PAX3: variants seen among roughly 807,000 people sequenced by gnomAD.
PAX3 encodes the protein paired box 3, also known as paired box protein Pax-3.
Under a neutral mutation model 51.6 loss-of-function variants are expected in PAX3, and 14 were observed. That is an observed-to-expected ratio of 0.27 (90% CI 0.18 to 0.42). PAX3 has a LOEUF of 0.42. Ranked by LOEUF, PAX3 falls within the 10% of genes least tolerant of loss-of-function variation. The probability of loss-of-function intolerance (pLI) is 1.00; values close to 1 mark genes in which losing one functional copy is unlikely to be tolerated. For synonymous variants in PAX3, 280 were observed against 253.4 expected (o/e 1.11, Z -1.00); for missense variants, 540 against 642.8 (o/e 0.84, Z 1.73).
chr2:222,221,465 C>T lies in PAX3; in HGVS notation c.793-78G>A. 3 of 1,329,884 alleles carry T rather than the reference C, an allele frequency of 2.3e-6. No homozygotes were observed. In the Admixed American group the frequency reaches 5.0e-5, roughly 22 times the overall value. The allele number at this position is 1,329,884 out of a possible 1,614,324, so 82.4% of individuals were successfully genotyped here. A position where few individuals can be genotyped will look rare whatever the true frequency, so the allele number is the denominator to read the frequency against. On this transcript the variant is annotated intron_variant, in intron 5 of 8. Coordinates refer to ENST00000392070, the MANE Select transcript of PAX3 (RefSeq NM_181458.4). Reference sequence around the variant, plus strand: ...TCTTAATGAATTTTTTATGCTAAAACAGATTAGAGGCTTCTTACTGAAAGG... The same window carrying T: ...TCTTAATGAATTTTTTATGCTAAAATAGATTAGAGGCTTCTTACTGAAAGG...
At position 222,199,991 on chromosome 2, in the gene PAX3, C is replaced by A. The variant is rs1401131105; in HGVS notation, c.*1417G>T. The stretch of plus-strand genomic sequence containing the variant: ...ATTGTTGTTGGTTGAGGCTGCAACA[C>A]AAAGATAGTACTTCTCTTGTTCCAT... On this transcript the variant is annotated 3_prime_UTR_variant, in exon 9 of 9. Coordinates refer to ENST00000392070, the MANE Select transcript of PAX3 (RefSeq NM_181458.4). The A allele has an allele frequency of 5.0e-6, 1 of 198,484 alleles. No homozygotes were observed. The highest frequency in any genetic ancestry group is 2.3e-5 in the African/African-American group (1 of 43,344). 12.3% of individuals were successfully genotyped at this position (198,484 alleles called of 1,614,324 possible).
At chr2:222,213,910 T>C (rs1396698326) in intron 7 of PAX3, among the ~76,000 whole-genome samples, 1 of 152,218 alleles carries the variant, frequency 6.6e-6, no homozygotes, top group Non-Finnish European at 1.5e-5. Context: ...AGAAGCTGGC[T>C]GTACCGCCAG....
intron 5 of PAX3, among the ~76,000 whole-genome samples, chr2:222,230,749 G>A (rs1692559621): frequency 6.6e-6 from 1 of 151,460 alleles, no homozygotes; most frequent in East Asian, 1.9e-4. Context: ...CAGCTACTTG[G>A]GAGACTGAGT....
intron 4 of PAX3, among the ~76,000 whole-genome samples, chr2:222,291,344 T>G (rs180718753): frequency 6.6e-6 from 1 of 152,128 alleles, no homozygotes; most frequent in Non-Finnish European, 1.5e-5. Flanking sequence ...TCCTGGGCTA[T>G]GGAGCTGGAG....
chr2:222,294,952 A>C (rs1360024078), intron 3 of PAX3, among the ~76,000 whole-genome samples: 1 of 151,888 alleles, frequency 6.6e-6, no homozygotes, highest in African/African-American at 2.4e-5. Context: ...GCTCTGAAAT[A>C]TGTTTCTCAC....
intron 3 of PAX3, among the ~76,000 whole-genome samples, chr2:222,295,089 G>C (rs1695223242): frequency 2.0e-5 from 3 of 151,778 alleles, no homozygotes; most frequent in Admixed American, 2.0e-4. Context: ...GCTCCGGACC[G>C]TCCCTGAGAC....
At chr2:222,274,058 T>C (rs899182410) in intron 4 of PAX3, among the ~76,000 whole-genome samples, 1 of 152,152 alleles carries the variant, frequency 6.6e-6, no homozygotes, top group African/African-American at 2.4e-5. Flanking sequence ...ACTTGTGAAA[T>C]AAAATATACA....
chr2:222,285,893 G>A (rs1694815838), intron 4 of PAX3, among the ~76,000 whole-genome samples: 1 of 152,064 alleles, frequency 6.6e-6, no homozygotes, highest in African/African-American at 2.4e-5. Context: ...TTCTATGTTG[G>A]TCAACCAAGA....
intron 4 of PAX3, among the ~76,000 whole-genome samples, chr2:222,285,578 G>A (rs1042724638): frequency 3.3e-5 from 5 of 152,216 alleles, no homozygotes; most frequent in African/African-American, 4.8e-5. Flanking sequence ...AAATGCAAAT[G>A]TGTATGTGAC....
intron 4 of PAX3, among the ~76,000 whole-genome samples, chr2:222,287,026 T>C (rs989562676): frequency 6.6e-6 from 1 of 152,218 alleles, no homozygotes; most frequent in Non-Finnish European, 1.5e-5. Context: ...TGGAGCATGA[T>C]CTCAGCTTAG....
At chr2:222,217,200 AT>A (rs932232132) in intron 7 of PAX3, among the ~76,000 whole-genome samples, 24 of 152,008 alleles carry the variant, frequency 1.6e-4, no homozygotes, top group African/African-American at 5.6e-4. Flanking sequence ...TTTTAAGCAA[AT>A]TTTTTTTATT....
intron 4 of PAX3, among the ~76,000 whole-genome samples, chr2:222,273,508 C>A (rs747821261): frequency 6.6e-6 from 1 of 152,120 alleles, no homozygotes. Flanking sequence ...TTGGAAGGAC[C>A]CTTTCCTCCT....
chr2:222,298,155 G>A lies in PAX3; in HGVS notation c.85+376C>T, dbSNP rs775695511. The A allele has an allele frequency of 7.3e-5, 21 of 289,512 alleles. 1 individual carries two copies. The highest frequency in any genetic ancestry group is 1.1e-3 in the Middle Eastern group (1 of 916). The allele number at this position is 289,512 out of a possible 1,614,324, so 17.9% of individuals were successfully genotyped here. A position where few individuals can be genotyped will look rare whatever the true frequency, so the allele number is the denominator to read the frequency against. On this transcript the variant is annotated intron_variant, in intron 1 of 8. Coordinates refer to ENST00000392070, the MANE Select transcript of PAX3 (RefSeq NM_181458.4). Reference sequence around the variant, plus strand: ...ACTAACATATGTTTCACAAGTGTGGGCGCAGCCGGGACAATTTCGAGACAA... The same window carrying A: ...ACTAACATATGTTTCACAAGTGTGGACGCAGCCGGGACAATTTCGAGACAA...
chr2:222,269,448 A>C (rs1214534382), intron 4 of PAX3, among the ~76,000 whole-genome samples: 1 of 152,222 alleles, frequency 6.6e-6, no homozygotes, highest in Non-Finnish European at 1.5e-5. Context: ...ATTCATTTGC[A>C]GATAAGCACG....
intron 4 of PAX3, among the ~76,000 whole-genome samples, chr2:222,243,626 T>C (rs1284930751): frequency 6.6e-6 from 1 of 152,218 alleles, no homozygotes; most frequent in Non-Finnish European, 1.5e-5. Context: ...AACAGAGGCA[T>C]AGATTCTGTG....
At chr2:222,282,626 G>C (rs1694686778) in intron 4 of PAX3, among the ~76,000 whole-genome samples, 1 of 152,028 alleles carries the variant, frequency 6.6e-6, no homozygotes, top group African/African-American at 2.4e-5. Context: ...ATTATAATAA[G>C]TTGCCTCTAA....
rs573371579 is a variant in PAX3 at position 222,254,743 on chromosome 2, T to TTAAGG, written c.587-22461_587-22460insCCTTA. Among the ~76,000 whole-genome samples the TTAAGG allele has an allele frequency of 1.3e-3, 191 of 152,228 alleles. 2 individuals carry two copies. In the South Asian group the frequency reaches 0.027, roughly 21 times the overall value. On this transcript the variant is annotated intron_variant, in intron 4 of 8. Transcript: ENST00000392070. ...CATCAACATGGCATTTATCATAGAC[T>TTAAGG]CTCATATATTTAAGGCTCACTATTA...
chr2:222,230,437 A>T (rs531105660), intron 5 of PAX3, among the ~76,000 whole-genome samples: 1 of 152,202 alleles, frequency 6.6e-6, no homozygotes, highest in South Asian at 2.1e-4. Flanking sequence ...GGGGAGGGAT[A>T]GCATTAGGAG....
At chr2:222,267,734 CT>C (rs1450581753) in intron 4 of PAX3, among the ~76,000 whole-genome samples, 5 of 152,330 alleles carry the variant, frequency 3.3e-5, no homozygotes, top group African/African-American at 7.2e-5. Flanking sequence ...GTGACACCCC[CT>C]AACCACTCAA....
Sources: allele counts gnomAD v4.1 joint callset (sites outside exome capture counted in the v4.1 genomes callset), GRCh38; gene constraint gnomAD v4.1.1; transcripts MANE v1.5; gene names NCBI Gene and HGNC (gene_info 2026-07-23, HGNC 2026-07-21).